The following ARL8B variants were observed in gnomAD, a reference collection of about 807,000 sequenced individuals.
The protein encoded by ARL8B is ADP-ribosylation factor-like protein 8B.
In ARL8B, 9 loss-of-function variants were observed where a neutral mutation model predicts 30.6. The observed-to-expected ratio is 0.29, with a 90% confidence interval of 0.18 to 0.51. The LOEUF (loss-of-function observed/expected upper bound fraction) is 0.51, where lower values mean the gene tolerates loss of function less well. Among genes scored for constraint, ARL8B ranks in the 20% least tolerant of loss-of-function variants. The pLI is 0.97. For synonymous variants in ARL8B, 74 were observed against 76.0 expected (o/e 0.97, Z 0.14); for missense variants, 130 against 227.2 (o/e 0.57, Z 2.75).
At position 5,144,839 on chromosome 3, in the gene ARL8B, C is replaced by G. The variant is rs554602282; in HGVS notation, c.123+22251C>G. ...TTCTAAAACCTGTTTGACCAGTTCC[C>G]CATGTACCAATTCTTTTCCCCTGCT... On this transcript the variant is annotated intron_variant, in intron 1 of 6. Coordinates refer to ENST00000256496, the MANE Select transcript of ARL8B (RefSeq NM_018184.3). Among the ~76,000 whole-genome samples the G allele has an allele frequency of 9.2e-5, 14 of 152,294 alleles. No individual in the cohort carries two copies. In the East Asian group the frequency reaches 2.1e-3, roughly 23 times the overall value.
In ARL8B at chr3:5,179,704, T is replaced by C. The variant is rs564019185; in HGVS notation, c.*991T>C. 1 of 152,600 alleles carries C rather than the reference T, an allele frequency of 6.6e-6. No individual in the cohort carries two copies. The highest frequency in any genetic ancestry group is 2.1e-4 in the South Asian group (1 of 4,834). The allele number at this position is 152,600 out of a possible 1,614,324, so 9.5% of individuals were successfully genotyped here. ...TGACTTTCAGCACAAAAGATACTTATAAACAAATAAAAAATTTTTATTTTT... is the reference window on the plus strand; with the variant it reads ...TGACTTTCAGCACAAAAGATACTTACAAACAAATAAAAAATTTTTATTTTT... On this transcript the variant is annotated 3_prime_UTR_variant, in exon 7 of 7. Coordinates refer to ENST00000256496, the MANE Select transcript of ARL8B (RefSeq NM_018184.3).
At chr3:5,138,613 GA>G (rs905423419) in intron 1 of ARL8B, among the ~76,000 whole-genome samples, 1 of 152,116 alleles carries the variant, frequency 6.6e-6, no homozygotes, top group Non-Finnish European at 1.5e-5. Context: ...CATCACATGT[GA>G]TTGAAAAGCA....
chr3:5,172,529 T>G (rs2054685571), intron 3 of ARL8B, 118 bp from the exon 4 acceptor site: 4 of 737,756 alleles, frequency 5.4e-6, no homozygotes, highest in Non-Finnish European at 8.9e-6. Flanking sequence ...ATGACATAGT[T>G]TATTTTGGTT....
At chr3:5,128,732 T>C (rs2054254447) in intron 1 of ARL8B, 2 of 192,074 alleles carry the variant, frequency 1.0e-5, no homozygotes, top group South Asian at 1.6e-4. Flanking sequence ...AAAAGAATAG[T>C]ATAAGGTAGA....
intron 1 of ARL8B, among the ~76,000 whole-genome samples, chr3:5,142,690 T>C (rs1028564095): frequency 6.6e-6 from 1 of 152,210 alleles, no homozygotes; most frequent in Non-Finnish European, 1.5e-5. Context: ...TTTGGCAGAC[T>C]AAAGTGTTTA....
At chr3:5,137,487 G>C (rs2054337773) in intron 1 of ARL8B, among the ~76,000 whole-genome samples, 1 of 148,932 alleles carries the variant, frequency 6.7e-6, no homozygotes, top group African/African-American at 2.5e-5. Flanking sequence ...ACCCAGGCTG[G>C]AGTTCAGTAG....
At chr3:5,176,225 G>A (rs186983899) in intron 6 of ARL8B, among the ~76,000 whole-genome samples, 2 of 152,084 alleles carry the variant, frequency 1.3e-5, no homozygotes, top group East Asian at 3.9e-4. Flanking sequence ...CTGCAAACAT[G>A]GCTTTATTTA....
Position 5,172,750 on chromosome 3 carries a change from G to T in ARL8B, c.372+10G>T. 6.9e-7 allele frequency: 1 copy of T among 1,454,752 alleles called. No individual in the cohort carries two copies. Among genetic ancestry groups the T allele is most frequent in the South Asian group, 1.2e-5 (1 of 84,558 alleles). The allele number at this position is 1,454,752 out of a possible 1,614,324, so 90.1% of individuals were successfully genotyped here. On this transcript the variant is annotated intron_variant, in intron 4 of 6. Transcript: ENST00000256496. ...GTTACAAGGAATTCCAGTAAGTATGGAATACTTGTTATTTTACATTGTAAT... is the reference window on the plus strand; with the variant it reads ...GTTACAAGGAATTCCAGTAAGTATGTAATACTTGTTATTTTACATTGTAAT...
chr3:5,142,928 A>G (rs573406972), intron 1 of ARL8B, among the ~76,000 whole-genome samples: 2 of 152,250 alleles, frequency 1.3e-5, no homozygotes, highest in Admixed American at 1.3e-4. Context: ...CCTTGGACAG[A>G]TGTAGTTTAT....
chr3:5,164,022 C>T (rs1169335830), intron 1 of ARL8B, among the ~76,000 whole-genome samples: 3 of 152,054 alleles, frequency 2.0e-5, no homozygotes. Flanking sequence ...GTTCCAGGAC[C>T]CCCTCTGTAT....
intron 1 of ARL8B, among the ~76,000 whole-genome samples, chr3:5,164,774 A>G (rs370095266): frequency 1.4e-4 from 22 of 152,346 alleles, no homozygotes; most frequent in South Asian, 4.1e-4. Flanking sequence ...ACTGGATCCA[A>G]CTAGGATCAG....
chr3:5,157,600 T>A (rs1467314147), intron 1 of ARL8B, among the ~76,000 whole-genome samples: 2 of 152,222 alleles, frequency 1.3e-5, no homozygotes, highest in Admixed American at 1.3e-4. Context: ...GATTTTCTTC[T>A]CCGTAAGTAC....
intron 1 of ARL8B, among the ~76,000 whole-genome samples, chr3:5,163,817 C>T (rs2054602025): frequency 6.6e-6 from 1 of 152,130 alleles, no homozygotes; most frequent in Admixed American, 6.5e-5. Context: ...TTGCAGTGAG[C>T]CGAGATCGTG....
Position 5,178,972 on chromosome 3 carries a change from A to C in ARL8B, c.*259A>C, listed in dbSNP as rs914499547. 5.1e-6 allele frequency: 2 copies of C among 388,536 alleles called. No individual in the cohort carries two copies. The highest frequency in any genetic ancestry group is 4.3e-6 in the Non-Finnish European group (1 of 233,716). 24.1% of individuals were successfully genotyped at this position (388,536 alleles called of 1,614,324 possible). On this transcript the variant is annotated 3_prime_UTR_variant, in exon 7 of 7. Coordinates refer to ENST00000256496, the MANE Select transcript of ARL8B (RefSeq NM_018184.3). ...CTTAAACCATGTGTAGAGCTTTAAA[A>C]ACAGAAAAAAAACCCCATATACTTA...
chr3:5,172,781 AATG>A (rs773705821), intron 4 of ARL8B, 41 bp downstream of exon 4: 64 of 1,156,458 alleles, frequency 5.5e-5, no homozygotes, highest in Non-Finnish European at 7.8e-5. Flanking sequence ...GTAATTATAT[AATG>A]ATATTAATTA....
intron 1 of ARL8B, among the ~76,000 whole-genome samples, chr3:5,138,884 C>A (rs1038110879): frequency 1.3e-5 from 2 of 152,148 alleles, no homozygotes; most frequent in African/African-American, 2.4e-5. Flanking sequence ...CTTACTGTTT[C>A]TTCAGTAATA....
chr3:5,148,849 A>G (rs1425812772), intron 1 of ARL8B, among the ~76,000 whole-genome samples: 1 of 152,146 alleles, frequency 6.6e-6, no homozygotes, highest in African/African-American at 2.4e-5. Flanking sequence ...AACCTTCAGC[A>G]TTCTCCCCAA....
intron 1 of ARL8B, among the ~76,000 whole-genome samples, chr3:5,151,201 G>T (rs1351455711): frequency 6.6e-6 from 1 of 152,012 alleles, no homozygotes; most frequent in Non-Finnish European, 1.5e-5. Context: ...CCCTCTGCTT[G>T]TTTTGGATTT....
At chr3:5,170,765 T>C in intron 2 of ARL8B, 182 bp downstream of exon 2, 1 of 503,118 alleles carries the variant, frequency 2.0e-6, no homozygotes, top group Non-Finnish European at 3.5e-6. Flanking sequence ...AGAGTTTTGC[T>C]CTTTCACCCA....
Sources: gnomAD v4.1 joint callset for allele counts (sites outside exome capture counted in the v4.1 genomes callset) on GRCh38, gnomAD v4.1.1 for gene constraint, MANE v1.5 for transcripts, NCBI Gene and HGNC (gene_info 2026-07-23, HGNC 2026-07-21) for gene names.